PCDHA1: variants seen among roughly 807,000 people sequenced by gnomAD.
The protein encoded by PCDHA1 is protocadherin alpha-1.
PCDHA1 carries 42 observed loss-of-function variants against 61.3 expected under a neutral mutation model. The ratio of observed to expected loss-of-function variants is 0.69; its 90% CI spans 0.54 to 0.89. The LOEUF (loss-of-function observed/expected upper bound fraction) is 0.89, where lower values mean the gene tolerates loss of function less well. Among genes scored for constraint, PCDHA1 ranks in the 40% least tolerant of loss-of-function variants. The pLI is 0.00. For synonymous variants in PCDHA1, 610 were observed against 553.8 expected, an observed-to-expected ratio of 1.10 and a Z score of -1.43; for missense variants, 1,256 against 1,235.3, an observed-to-expected ratio of 1.02 and a Z score of -0.25.
At chr5:140,801,872 G>A (rs1346891167) in intron 1 of PCDHA1, 5 of 1,613,932 alleles carry the variant, frequency 3.1e-6, no homozygotes, top group Admixed American at 3.3e-5. Flanking sequence ...TCACTGGCAC[G>A]ACTCAACTAA....
chr5:140,968,373 C>T (rs1554230649), intron 1 of PCDHA1: 1 of 1,614,034 alleles, frequency 6.2e-7, no homozygotes, highest in African/African-American at 1.3e-5. Context: ...GCTGTCAACT[C>T]CTTTGACTAT....
chr5:140,998,965 G>C (rs1320225650), intron 3 of PCDHA1, among the ~76,000 whole-genome samples: 1 of 152,232 alleles, frequency 6.6e-6, no homozygotes, highest in Non-Finnish European at 1.5e-5. Context: ...TAATCAAATA[G>C]TATCCTAGAA....
intron 1 of PCDHA1, chr5:140,821,824 T>C (rs2150110897): frequency 9.9e-6 from 16 of 1,614,004 alleles, no homozygotes; most frequent in East Asian, 2.2e-5. Flanking sequence ...CCTGCTGCTC[T>C]GGCTTCTCCT....
chr5:140,807,062 G>A, intron 1 of PCDHA1: 1 of 1,115,782 alleles, frequency 9.0e-7, no homozygotes, highest in Non-Finnish European at 1.3e-6. Flanking sequence ...CTTACTGGAA[G>A]GAACCATATA....
chr5:140,797,220 G>A (rs1466884034), intron 1 of PCDHA1: 1 of 1,614,214 alleles, frequency 6.2e-7, no homozygotes, highest in Non-Finnish European at 8.5e-7. Context: ...CTTACTCGCA[G>A]CAGAGGCGGC....
intron 2 of PCDHA1, among the ~76,000 whole-genome samples, chr5:140,980,549 G>A (rs1382828581): frequency 1.3e-5 from 2 of 152,162 alleles, no homozygotes; most frequent in Non-Finnish European, 2.9e-5. Context: ...AGAATCGCTT[G>A]AACCCGGGAG....
At chr5:140,910,013 C>T (rs185824848) in intron 1 of PCDHA1, among the ~76,000 whole-genome samples, 4 of 152,256 alleles carry the variant, frequency 2.6e-5, no homozygotes, top group Non-Finnish European at 1.5e-5. Context: ...CAGTGTCATC[C>T]TTGTATCCCT....
chr5:140,840,076 AG>A (rs1237018170), intron 1 of PCDHA1, among the ~76,000 whole-genome samples: 2 of 152,044 alleles, frequency 1.3e-5, no homozygotes, highest in Non-Finnish European at 2.9e-5. Context: ...GTCAATAGAA[AG>A]ATAAACTTGT....
chr5:140,870,276 C>T (rs1554163984), intron 1 of PCDHA1: 3 of 1,614,170 alleles, frequency 1.9e-6, no homozygotes, highest in South Asian at 1.1e-5. Context: ...TGACGCCCCA[C>T]GTTCCCTTCA....
At position 140,884,430 on chromosome 5, in the gene PCDHA1, T is replaced by G. The variant is rs1554181548; in HGVS notation, c.2395-94519T>G. The G allele has an allele frequency of 2.5e-6, 4 of 1,613,804 alleles. No homozygotes were observed. The African/African-American group carries it at 4.0e-5, about 16-fold the overall frequency. ...CTCACGTTGCTGCTGTATACTGCGC[T>G]GCGGTGCTCGGCACCGCCCACCGAG... On this transcript the variant is annotated intron_variant, in intron 1 of 3. Transcript: ENST00000504120.
At chr5:140,928,739 G>A in intron 1 of PCDHA1, 1 of 1,614,148 alleles carries the variant, frequency 6.2e-7, no homozygotes, top group African/African-American at 1.3e-5. Flanking sequence ...GCCAATATAG[G>A]TGAGCTCCGT....
chr5:140,845,510 C>A (rs1779902484), intron 1 of PCDHA1, among the ~76,000 whole-genome samples: 3 of 149,534 alleles, frequency 2.0e-5, no homozygotes, highest in African/African-American at 7.3e-5. Context: ...AAACCTATTT[C>A]TTGTACATTA....
At chr5:140,830,392 G>A (rs2150186002) in intron 1 of PCDHA1, 2 of 1,614,160 alleles carry the variant, frequency 1.2e-6, no homozygotes, top group South Asian at 1.1e-5. Context: ...CACCCAAGAT[G>A]GATCTCATGG....
intron 1 of PCDHA1, among the ~76,000 whole-genome samples, chr5:140,964,964 C>T (rs1035701368): frequency 2.6e-5 from 4 of 152,212 alleles, no homozygotes; most frequent in Non-Finnish European, 4.4e-5. Flanking sequence ...GTTGGTGGAA[C>T]GAAGGGATGT....
At chr5:140,891,022 G>C (rs2062905127) in intron 1 of PCDHA1, among the ~76,000 whole-genome samples, 1 of 151,804 alleles carries the variant, frequency 6.6e-6, no homozygotes, top group South Asian at 2.1e-4. Context: ...TTTTCTGAGG[G>C]TATAATCTTA....
intron 1 of PCDHA1, among the ~76,000 whole-genome samples, chr5:140,947,198 TA>T (rs1554218091): frequency 1.3e-5 from 2 of 151,312 alleles, no homozygotes; most frequent in African/African-American, 4.8e-5. Flanking sequence ...TACACAGCCT[TA>T]AAAAAAGAAA....
intron 1 of PCDHA1, among the ~76,000 whole-genome samples, chr5:140,894,606 T>C (rs1305424119): frequency 6.6e-6 from 1 of 152,022 alleles, no homozygotes; most frequent in Non-Finnish European, 1.5e-5. Context: ...CTCATCTCTC[T>C]TTTCAAAGCT....
chr5:140,924,931 T>C (rs1414085243), intron 1 of PCDHA1, among the ~76,000 whole-genome samples: 1 of 125,890 alleles, frequency 7.9e-6, no homozygotes, highest in Admixed American at 8.0e-5. Context: ...TAAAATAAAA[T>C]AAAATAAAAA....
intron 1 of PCDHA1, chr5:140,968,110 G>A: frequency 1.2e-6 from 2 of 1,614,172 alleles, no homozygotes; most frequent in Non-Finnish European, 1.7e-6. Context: ...GAATACCGCA[G>A]CTCACATCCC....
Sources: gnomAD v4.1 joint callset for allele counts (sites outside exome capture counted in the v4.1 genomes callset) on GRCh38, gnomAD v4.1.1 for gene constraint, MANE v1.5 for transcripts, NCBI Gene and HGNC (gene_info 2026-07-23, HGNC 2026-07-21) for gene names.